Variants in EXT1 observed in about 807,000 individuals in gnomAD.
EXT1 encodes exostosin glycosyltransferase 1.
In EXT1, 20 loss-of-function variants were observed where a neutral mutation model predicts 82.5. The observed-to-expected ratio is 0.24, with a 90% CI of 0.17 to 0.35. The LOEUF (loss-of-function observed/expected upper bound fraction) is 0.35, where lower values mean the gene tolerates loss of function less well. EXT1 is among the 10% of genes least tolerant of loss of function. EXT1 has a pLI of 1.00. For synonymous variants in EXT1, 348 were observed against 350.8 expected (o/e 0.99, Z 0.09); for missense variants, 757 against 936.5 (o/e 0.81, Z 2.50).
intron 5 of EXT1, among the ~76,000 whole-genome samples, chr8:117,820,507 G>A (rs191678415): frequency 1.3e-5 from 2 of 152,240 alleles, no homozygotes; most frequent in East Asian, 3.9e-4. Context: ...TGGCCAACAT[G>A]GTGAAATTCC....
chr8:117,902,739 T>A (rs1050883539), intron 1 of EXT1, among the ~76,000 whole-genome samples: 7 of 152,222 alleles, frequency 4.6e-5, no homozygotes, highest in African/African-American at 1.7e-4. Flanking sequence ...ATATTAGGCA[T>A]CTTCTTCCAT....
intron 1 of EXT1, among the ~76,000 whole-genome samples, chr8:117,934,335 C>T (rs1487077372): frequency 4.6e-5 from 7 of 152,190 alleles, no homozygotes. Context: ...ATAGAATGGC[C>T]CATAGCTGGC....
chr8:118,038,578 T>C (rs1816468686), intron 1 of EXT1, among the ~76,000 whole-genome samples: 1 of 152,218 alleles, frequency 6.6e-6, no homozygotes, highest in Non-Finnish European at 1.5e-5. Flanking sequence ...GTTGAGGACC[T>C]GTGACTAGAA....
intron 1 of EXT1, among the ~76,000 whole-genome samples, chr8:118,092,712 C>T (rs1409718616): frequency 6.6e-6 from 1 of 152,232 alleles, no homozygotes; most frequent in Non-Finnish European, 1.5e-5. Context: ...ATTACCATCT[C>T]ACCTGCCGGT....
chr8:117,995,617 C>T (rs544304072), intron 1 of EXT1, among the ~76,000 whole-genome samples: 7 of 152,090 alleles, frequency 4.6e-5, no homozygotes, highest in Admixed American at 1.3e-4. Flanking sequence ...TTTGTGTAGG[C>T]TTAACTTTTT....
At chr8:118,033,732 G>A (rs1243864283) in intron 1 of EXT1, among the ~76,000 whole-genome samples, 2 of 152,036 alleles carry the variant, frequency 1.3e-5, no homozygotes, top group Admixed American at 6.6e-5. Context: ...CTTCTGCTTC[G>A]GCCTCTGAAA....
chr8:117,812,225 C>T (rs974133254), intron 8 of EXT1, among the ~76,000 whole-genome samples: 41 of 152,176 alleles, frequency 2.7e-4, no homozygotes, highest in Admixed American at 5.9e-4. Context: ...GAGATCAATA[C>T]TCATTCGAGT....
chr8:117,979,585 A>G (rs1210435461), intron 1 of EXT1, among the ~76,000 whole-genome samples: 2 of 152,132 alleles, frequency 1.3e-5, no homozygotes, highest in Admixed American at 6.5e-5. Flanking sequence ...CATGGTAGAC[A>G]GTTACAAAAG....
intron 1 of EXT1, among the ~76,000 whole-genome samples, chr8:118,078,306 C>T (rs777906351): frequency 6.6e-6 from 1 of 152,238 alleles, no homozygotes; most frequent in South Asian, 2.1e-4. Context: ...TCAAGCAATT[C>T]TCATGTCTCT....
intron 1 of EXT1, among the ~76,000 whole-genome samples, chr8:117,839,599 T>C (rs1295057671): frequency 6.6e-6 from 1 of 152,228 alleles, no homozygotes; most frequent in African/African-American, 2.4e-5. Flanking sequence ...GCTCAGCCTG[T>C]GAACCAGCCT....
chr8:117,812,988 G>A lies in EXT1; in HGVS notation c.1633-27C>T, dbSNP rs548150667. On this transcript the variant is annotated intron_variant, in intron 7 of 10. Transcript: ENST00000378204. ...TGGGAGGAAGTAGAAGTAGGCAGTG[G>A]GGAGGGAATGAGGGAAAGAGGTAAC... The A allele has an allele frequency of 5.0e-6, 8 of 1,587,572 alleles. 1 individual carries two copies. The African/African-American group carries it at 8.1e-5, about 16-fold the overall frequency.
At chr8:117,878,070 C>T (rs1813001267) in intron 1 of EXT1, among the ~76,000 whole-genome samples, 1 of 152,078 alleles carries the variant, frequency 6.6e-6, no homozygotes, top group East Asian at 1.9e-4. Context: ...GTCAGGAGTT[C>T]CAGACCAGCC....
Position 118,066,176 on chromosome 8 carries a change from C to G in EXT1, c.962+43909G>C, listed in dbSNP as rs867550962. 3.9e-5 allele frequency among the ~76,000 whole-genome samples: 6 copies of G among 152,268 alleles called. No individual in the cohort carries two copies. In the Middle Eastern group the frequency reaches 0.017, roughly 432 times the overall value. The stretch of plus-strand genomic sequence containing the variant: ...ACTTCCACATCTGTCACCCGCAAGA[C>G]AGCAAGACTAACCCCTCATCTTCCT... On this transcript the variant is annotated intron_variant, in intron 1 of 10. Coordinates refer to ENST00000378204, the MANE Select transcript of EXT1 (RefSeq NM_000127.3).
At chr8:117,929,689 T>C (rs1814014956) in intron 1 of EXT1, among the ~76,000 whole-genome samples, 1 of 152,270 alleles carries the variant, frequency 6.6e-6, no homozygotes, top group South Asian at 2.1e-4. Context: ...GTGAAGATCT[T>C]CCCAGAAATT....
intron 1 of EXT1, among the ~76,000 whole-genome samples, chr8:117,928,661 T>A (rs1330779018): frequency 6.6e-6 from 1 of 152,088 alleles, no homozygotes; most frequent in African/African-American, 2.4e-5. Context: ...TGCAACTGGT[T>A]CAGATATCAC....
chr8:117,864,451 C>G (rs1402544678), intron 1 of EXT1, among the ~76,000 whole-genome samples: 1 of 152,120 alleles, frequency 6.6e-6, no homozygotes, highest in African/African-American at 2.4e-5. Flanking sequence ...AGCTGATGAG[C>G]TTTAAAAAAA....
At chr8:117,804,615 C>T in intron 10 of EXT1, 107 bp downstream of exon 10, 1 of 1,255,380 alleles carries the variant, frequency 8.0e-7, no homozygotes, top group Non-Finnish European at 1.2e-6. Flanking sequence ...CTGGTTTCTC[C>T]TCATTATATG....
Position 117,817,838 on chromosome 8 carries a change from G to GA in EXT1, c.1632+596dup, listed in dbSNP as rs758693642. The stretch of plus-strand genomic sequence containing the variant: ...TTAATTGGAAGCACTAGCAAATGGA[G>GA]AAAAAGGCCGGGAGATGATCAGAAA... On this transcript the variant is annotated intron_variant, in intron 7 of 10. Coordinates refer to ENST00000378204, the MANE Select transcript of EXT1 (RefSeq NM_000127.3). Among the ~76,000 whole-genome samples, 9 of 152,332 alleles carry GA rather than the reference G, an allele frequency of 5.9e-5. No individual in the cohort carries two copies. The South Asian group carries it at 1.7e-3, about 28-fold the overall frequency.
At chr8:118,037,203 G>A (rs1236586356) in intron 1 of EXT1, among the ~76,000 whole-genome samples, 1 of 152,150 alleles carries the variant, frequency 6.6e-6, no homozygotes, top group Non-Finnish European at 1.5e-5. Flanking sequence ...TAAAATGTCT[G>A]TGGGAAACAA....
Sources: gnomAD v4.1 joint callset for allele counts (sites outside exome capture counted in the v4.1 genomes callset) on GRCh38, gnomAD v4.1.1 for gene constraint, MANE v1.5 for transcripts, NCBI Gene and HGNC (gene_info 2026-07-23, HGNC 2026-07-21) for gene names.